Variants in ATP11B observed in about 807,000 individuals in gnomAD.
ATP11B encodes ATPase phospholipid transporting 11B (putative), also known as phospholipid-transporting ATPase IF.
Under a neutral mutation model 157.8 loss-of-function variants are expected in ATP11B, and 81 were observed. The ratio of observed to expected loss-of-function variants is 0.51; its 90% confidence interval spans 0.43 to 0.62. The LOEUF (loss-of-function observed/expected upper bound fraction) is 0.62. Ranked by LOEUF, ATP11B falls within the 20% of genes least tolerant of loss-of-function variation. The pLI is 0.00. For missense variants in ATP11B, 1,165 were observed against 1,402.2 expected, an observed-to-expected ratio of 0.83 and a Z score of 2.70; for synonymous variants, 451 against 469.4, an observed-to-expected ratio of 0.96 and a Z score of 0.51.
At chr3:182,881,284 A>G (rs1231950174) in intron 21 of ATP11B, among the ~76,000 whole-genome samples, 1 of 152,002 alleles carries the variant, frequency 6.6e-6, no homozygotes, top group Non-Finnish European at 1.5e-5. Flanking sequence ...AAATACAAAA[A>G]TTAGCCAGGC....
intron 1 of ATP11B, among the ~76,000 whole-genome samples, chr3:182,802,720 G>C (rs77527655): frequency 6.6e-6 from 1 of 152,008 alleles, no homozygotes; most frequent in Non-Finnish European, 1.5e-5. Flanking sequence ...TTCCTTGCTT[G>C]ATTTCTCAGC....
chr3:182,842,156 A>C, intron 8 of ATP11B, 34 bp downstream of exon 8: 2 of 1,473,504 alleles, frequency 1.4e-6, no homozygotes. Context: ...AATTACCTTT[A>C]AATGGGAACT....
intron 1 of ATP11B, among the ~76,000 whole-genome samples, chr3:182,797,936 C>G (rs941155047): frequency 6.6e-6 from 1 of 151,900 alleles, no homozygotes; most frequent in African/African-American, 2.4e-5. Flanking sequence ...AAAGTGAATT[C>G]CTGTATCCTG....
At chr3:182,911,514 C>T (rs1055366353) in intron 28 of ATP11B, among the ~76,000 whole-genome samples, 5 of 152,086 alleles carry the variant, frequency 3.3e-5, no homozygotes, top group Admixed American at 6.5e-5. Flanking sequence ...AAATTCTTAA[C>T]GGTTTCCTCA....
chr3:182,827,316 T>C (rs1717790921), intron 2 of ATP11B, among the ~76,000 whole-genome samples: 1 of 152,174 alleles, frequency 6.6e-6, no homozygotes, highest in Non-Finnish European at 1.5e-5. Context: ...GCAATTAGTA[T>C]GAGCCAGGTT....
rs533437137 is a variant in ATP11B at position 182,843,794 on chromosome 3, C to G, written c.705-1664C>G. Reference sequence around the variant, plus strand: ...TATACTGGCTGCATGAAATAAGTCACTATAACAGAAAGAGTTGAGCATTTT... The same window carrying G: ...TATACTGGCTGCATGAAATAAGTCAGTATAACAGAAAGAGTTGAGCATTTT... On this transcript the variant is annotated intron_variant, in intron 8 of 29. Coordinates refer to ENST00000323116, the MANE Select transcript of ATP11B (RefSeq NM_014616.3). The G allele has an allele frequency of 2.0e-5, 3 of 152,284 alleles. No homozygotes were observed. The South Asian group carries it at 6.2e-4, about 32-fold the overall frequency. 9.4% of individuals were successfully genotyped at this position (152,284 alleles called of 1,614,324 possible). A position where few individuals can be genotyped will look rare whatever the true frequency, so the allele number is the denominator to read the frequency against.
intron 4 of ATP11B, among the ~76,000 whole-genome samples, chr3:182,835,824 G>A (rs1295879145): frequency 6.6e-6 from 1 of 152,142 alleles, no homozygotes; most frequent in Non-Finnish European, 1.5e-5. Flanking sequence ...TAGAGGTCCT[G>A]TGAAAGCCAG....
rs1224078060 is a variant in ATP11B at position 182,857,851 on chromosome 3, T to A, written c.852-27T>A. 2.9e-6 allele frequency: 4 copies of A among 1,395,352 alleles called. No homozygotes were observed. In the Admixed American group the frequency reaches 7.1e-5, roughly 25 times the overall value. 86.4% of individuals were successfully genotyped at this position (1,395,352 alleles called of 1,614,324 possible). On this transcript the variant is annotated intron_variant, in intron 10 of 29. Transcript: ENST00000323116. ...AATATAGTAATACATGAGTTGTATG[T>A]TTTATATTCTCTTTTTCTTCCTTAA...
intron 29 of ATP11B, chr3:182,916,475 GTATCCCA>G: frequency 1.0e-6 from 1 of 985,322 alleles, no homozygotes; most frequent in Non-Finnish European, 1.2e-6. Context: ...TGTCAATGAA[GTATCCCA>G]TATTGCAAGC....
At chr3:182,912,570 C>T (rs1309032626) in intron 28 of ATP11B, among the ~76,000 whole-genome samples, 1 of 152,070 alleles carries the variant, frequency 6.6e-6, no homozygotes, top group Non-Finnish European at 1.5e-5. Context: ...GGCTCTTTCT[C>T]AGTGCTTAGC....
At chr3:182,873,697 C>G in intron 18 of ATP11B, 115 bp from the exon 19 acceptor site, 1 of 832,218 alleles carries the variant, frequency 1.2e-6, no homozygotes, top group Non-Finnish European at 1.9e-6. Flanking sequence ...TGTATAATAA[C>G]ATTCCTAGGT....
intron 11 of ATP11B, 128 bp downstream of exon 11, chr3:182,858,156 A>G: frequency 1.3e-6 from 1 of 783,240 alleles, no homozygotes; most frequent in East Asian, 2.7e-5. Context: ...AGGGTGACAG[A>G]AATGGCATTG....
intron 7 of ATP11B, among the ~76,000 whole-genome samples, chr3:182,840,392 C>T (rs1370851971): frequency 7.2e-5 from 11 of 152,148 alleles, no homozygotes; most frequent in Admixed American, 7.2e-4. Context: ...CCCTCACTCC[C>T]TTGGTGATCT....
intron 2 of ATP11B, among the ~76,000 whole-genome samples, chr3:182,824,205 A>C (rs1434713180): frequency 6.6e-6 from 1 of 152,060 alleles, no homozygotes; most frequent in Admixed American, 6.6e-5. Context: ...GTCAGCCTGG[A>C]ATTGTGTAGT....
intron 29 of ATP11B, chr3:182,915,563 C>T: frequency 1.0e-6 from 1 of 979,336 alleles, no homozygotes; most frequent in South Asian, 4.7e-5. Context: ...ATTTTTTCAA[C>T]TTCTCCTTCA....
At chr3:182,872,199 A>G (rs73050702) in intron 17 of ATP11B, among the ~76,000 whole-genome samples, 157 bp from the exon 18 acceptor site, 18,236 of 152,210 alleles carry the variant, frequency 0.12, 1,222 homozygotes, top group African/African-American at 0.18. Context: ...GCTTTGTGAC[A>G]TTATTTATTT....
chr3:182,889,616 A>G (rs1216485885), intron 25 of ATP11B, 68 bp downstream of exon 25: 1 of 1,312,778 alleles, frequency 7.6e-7, no homozygotes, highest in Non-Finnish European at 1.0e-6. Flanking sequence ...CTTTTGTCAT[A>G]AAGTAAAATT....
chr3:182,804,381 G>A (rs530971964), intron 1 of ATP11B, among the ~76,000 whole-genome samples: 54 of 151,806 alleles, frequency 3.6e-4, no homozygotes, highest in Non-Finnish European at 5.7e-4. Flanking sequence ...GAGTAGCTGG[G>A]ACTACAGGCA....
chr3:182,819,905 T>C (rs1016489016), intron 1 of ATP11B, among the ~76,000 whole-genome samples: 1 of 152,240 alleles, frequency 6.6e-6, no homozygotes, highest in African/African-American at 2.4e-5. Context: ...CAAATACTTC[T>C]ATAGGTCTCC....
Sources: gnomAD v4.1 joint callset for allele counts (sites outside exome capture counted in the v4.1 genomes callset) on GRCh38, gnomAD v4.1.1 for gene constraint, MANE v1.5 for transcripts, NCBI Gene and HGNC (gene_info 2026-07-23, HGNC 2026-07-21) for gene names.